EXTL3: variants seen among roughly 807,000 people sequenced by gnomAD.
EXTL3 encodes the protein exostosin like glycosyltransferase 3, also known as exostosin-like 3.
EXTL3 carries 27 observed loss-of-function variants against 69.3 expected under a neutral mutation model. That is an observed-to-expected ratio of 0.39 (90% CI 0.29 to 0.54). The LOEUF is 0.54. Ranked by LOEUF, EXTL3 falls within the 20% of genes least tolerant of loss-of-function variation. The pLI is 0.69. For synonymous variants in EXTL3, 511 were observed against 499.4 expected, an observed-to-expected ratio of 1.02 and a Z score of -0.31; for missense variants, 1,003 against 1,231.8, an observed-to-expected ratio of 0.81 and a Z score of 2.78.
At chr8:28,622,296 C>A (rs1271795813), upstream of EXTL3, among the ~76,000 whole-genome samples, 1 of 152,264 alleles carries the variant, frequency 6.6e-6, no homozygotes, top group Admixed American at 6.5e-5. Context: ...TTTTACCGGA[C>A]CCCAGCGACC....
intron 1 of EXTL3, among the ~76,000 whole-genome samples, chr8:28,668,474 G>A (rs1299086566): frequency 6.6e-6 from 1 of 151,652 alleles, no homozygotes; most frequent in Non-Finnish European, 1.5e-5. Flanking sequence ...TGGGATTACA[G>A]CCACAGTGCC....
chr8:28,649,333 G>A (rs1324717470), intron 1 of EXTL3, among the ~76,000 whole-genome samples: 1 of 152,166 alleles, frequency 6.6e-6, no homozygotes, highest in Admixed American at 6.5e-5. Context: ...CACAGTGCTT[G>A]TCCCAGTTGA....
intron 1 of EXTL3, among the ~76,000 whole-genome samples, chr8:28,627,686 C>T (rs58915303): frequency 0.026 from 3,924 of 152,132 alleles, 133 homozygotes; most frequent in African/African-American, 0.08. Context: ...TGGCTGCTGC[C>T]TCAGTGTTCA....
intron 1 of EXTL3, among the ~76,000 whole-genome samples, chr8:28,656,883 G>GTCTTTCTT (rs150342301): frequency 0.13 from 19,314 of 151,278 alleles, 1,529 homozygotes; most frequent in East Asian, 0.2. Flanking sequence ...ATTATGGTTG[G>GTCTTTCTT]TCTTTCTTTC....
chr8:28,709,536 G>A (rs930126510), intron 1 of EXTL3, among the ~76,000 whole-genome samples: 8 of 152,092 alleles, frequency 5.3e-5, no homozygotes, highest in African/African-American at 1.9e-4. Context: ...GTGTTTTAGT[G>A]TAGTTTAACT....
intron 1 of EXTL3, among the ~76,000 whole-genome samples, chr8:28,643,712 C>T (rs1806783867): frequency 6.6e-6 from 1 of 152,024 alleles, no homozygotes; most frequent in East Asian, 1.9e-4. Flanking sequence ...GCCACCGCGC[C>T]TGGCCTCTCC....
chr8:28,706,016 A>G (rs188626931), intron 1 of EXTL3, among the ~76,000 whole-genome samples: 324 of 152,304 alleles, frequency 2.1e-3, no homozygotes, highest in Non-Finnish European at 3.8e-3. Context: ...ATGGCTTTGA[A>G]TCTGTATTTT....
At chr8:28,632,649 G>A (rs1468151170) in intron 1 of EXTL3, among the ~76,000 whole-genome samples, 2 of 150,576 alleles carry the variant, frequency 1.3e-5, no homozygotes, top group Non-Finnish European at 3.0e-5. Context: ...TGTCTCCTGG[G>A]TTGAAGCGAT....
At chr8:28,644,642 T>C (rs894094902) in intron 1 of EXTL3, among the ~76,000 whole-genome samples, 4 of 152,066 alleles carry the variant, frequency 2.6e-5, no homozygotes, top group African/African-American at 9.7e-5. Flanking sequence ...AAGGCTGCAG[T>C]GAGCTATGAT....
chr8:28,641,715 C>CACCCCCTCCCCG (rs1806744976), intron 1 of EXTL3, among the ~76,000 whole-genome samples: 1 of 152,118 alleles, frequency 6.6e-6, no homozygotes, highest in Non-Finnish European at 1.5e-5. Context: ...TCAAGTGATC[C>CACCCCCTCCCCG]ACCCCCTCCC....
chr8:28,735,989 C>T (rs1324716224), intron 4 of EXTL3, among the ~76,000 whole-genome samples: 1 of 152,010 alleles, frequency 6.6e-6, no homozygotes, highest in East Asian at 1.9e-4. Flanking sequence ...GGCTGCCGGG[C>T]TGTGGGAAGG....
chr8:28,669,141 G>T (rs971067262), intron 1 of EXTL3, among the ~76,000 whole-genome samples: 6 of 152,164 alleles, frequency 3.9e-5, no homozygotes, highest in Non-Finnish European at 8.8e-5. Context: ...TGGGATTACA[G>T]GCATAAGTCA....
intron 3 of EXTL3, among the ~76,000 whole-genome samples, chr8:28,723,511 T>TA (rs1318239424): frequency 6.6e-6 from 1 of 152,216 alleles, no homozygotes; most frequent in Admixed American, 6.5e-5. Context: ...CTTGAGGTAA[T>TA]GTCTTCCCCT....
intron 1 of EXTL3, among the ~76,000 whole-genome samples, chr8:28,666,592 T>C (rs1026368234): frequency 8.5e-5 from 13 of 152,140 alleles, no homozygotes; most frequent in African/African-American, 2.4e-4. Context: ...TTTTTTTTAT[T>C]TGAGACAGAG....
chr8:28,673,718 T>A (rs560585015), intron 1 of EXTL3, among the ~76,000 whole-genome samples: 1 of 152,314 alleles, frequency 6.6e-6, no homozygotes, highest in Non-Finnish European at 1.5e-5. Context: ...TATCTATCTA[T>A]ATACAGGACC....
rs1801147190 is a variant in EXTL3, at chr8:28,716,373, G to T, written c.314G>T (p.Ser105Ile). ...QLEAKRQELN[S>I]EIAKLNLKIE... ...GAGGCCAAGCGCCAAGAGCTGAACAGCGAGATCGCCAAGCTGAATCTGAAG... is the reference window on the plus strand; with the variant it reads ...GAGGCCAAGCGCCAAGAGCTGAACATCGAGATCGCCAAGCTGAATCTGAAG... Residue 105 changes from serine to isoleucine, a missense_variant, in exon 3 of 7, where the codon AGC (serine) becomes ATC (isoleucine). Ser to Ile is a moderately radical substitution (Grantham distance 142, BLOSUM62 -2). Coordinates refer to ENST00000220562, the MANE Select transcript of EXTL3 (RefSeq NM_001440.4). The surrounding 1 kb of genome is among the most constrained non-coding windows in gnomAD (Gnocchi z 7.1). 1 of 1,613,870 alleles carries T rather than the reference G, an allele frequency of 6.2e-7. No homozygotes were observed. The highest frequency in any genetic ancestry group is 1.3e-5 in the African/African-American group (1 of 74,940).
At chr8:28,735,514 T>C (rs1801632769) in intron 4 of EXTL3, among the ~76,000 whole-genome samples, 1 of 152,218 alleles carries the variant, frequency 6.6e-6, no homozygotes, top group African/African-American at 2.4e-5. Context: ...CTGTCATTCA[T>C]GTTTGAGATT....
intron 1 of EXTL3, among the ~76,000 whole-genome samples, chr8:28,680,285 G>A (rs747720041): frequency 8.7e-5 from 13 of 150,192 alleles, no homozygotes; most frequent in Admixed American, 2.0e-4. Context: ...CAGCTACTCC[G>A]AGGCTGAGGC....
chr8:28,682,003 G>C (rs1472457735), intron 1 of EXTL3, among the ~76,000 whole-genome samples: 1 of 152,238 alleles, frequency 6.6e-6, no homozygotes, highest in African/African-American at 2.4e-5. Flanking sequence ...AGGTTGCGGT[G>C]AGCTGAGATT....
Sources: allele counts gnomAD v4.1 joint callset (sites outside exome capture counted in the v4.1 genomes callset), GRCh38; gene constraint gnomAD v4.1.1; non-coding constraint Gnocchi (gnomAD v3.1); transcripts MANE v1.5; gene names NCBI Gene and HGNC (gene_info 2026-07-23, HGNC 2026-07-21).